The following AKAP19 variants were observed in gnomAD, a reference collection of about 807,000 sequenced individuals.
AKAP19 encodes the protein A-kinase anchoring protein 19.
the AKAP19 span, chr2:190,181,281 C>A: frequency 2.5e-6 from 1 of 398,748 alleles, no homozygotes; most frequent in Non-Finnish European, 3.4e-6. Context: ...CTCACATCTC[C>A]GTCCCCTAAT....
chr2:190,045,490 A>C, the AKAP19 span, among the ~76,000 whole-genome samples: 8 of 152,068 alleles, frequency 5.3e-5, no homozygotes, highest in Non-Finnish European at 8.8e-5. Flanking sequence ...CACCCACTGA[A>C]AGCAGCAGTT....
At chr2:190,125,010 G>A in the AKAP19 span, among the ~76,000 whole-genome samples, 1 of 152,024 alleles carries the variant, frequency 6.6e-6, no homozygotes, top group Admixed American at 6.5e-5. Flanking sequence ...GTTTTTGAGG[G>A]GCAGTAACAC....
At chr2:190,159,866 T>C in the AKAP19 span, among the ~76,000 whole-genome samples, 1 of 152,236 alleles carries the variant, frequency 6.6e-6, no homozygotes, top group Non-Finnish European at 1.5e-5. Flanking sequence ...TTCTTTTAAC[T>C]TTTGAAACTG....
At chr2:190,144,829 T>G in the AKAP19 span, among the ~76,000 whole-genome samples, 10 of 151,858 alleles carry the variant, frequency 6.6e-5, no homozygotes, top group African/African-American at 2.4e-4. Flanking sequence ...ATACAAAAAT[T>G]AGCCAGGCAC....
chr2:189,988,875 G>A, the AKAP19 span, among the ~76,000 whole-genome samples: 8 of 152,220 alleles, frequency 5.3e-5, no homozygotes, highest in Non-Finnish European at 7.4e-5. Flanking sequence ...TGCCTCATTG[G>A]CTTTTAAGAA....
the AKAP19 span, among the ~76,000 whole-genome samples, chr2:189,972,078 T>C: frequency 6.6e-6 from 1 of 152,196 alleles, no homozygotes; most frequent in African/African-American, 2.4e-5. Context: ...CTGAATAGTA[T>C]TGCCTAGGTT....
At chr2:189,918,588 T>C in the AKAP19 span, among the ~76,000 whole-genome samples, 1 of 152,332 alleles carries the variant, frequency 6.6e-6, no homozygotes, top group South Asian at 2.1e-4. Context: ...ACAGCTGTTA[T>C]AGGAAATACA....
the AKAP19 span, among the ~76,000 whole-genome samples, chr2:190,011,426 T>G: frequency 6.6e-6 from 1 of 152,180 alleles, no homozygotes. Flanking sequence ...TGCAGAAGCT[T>G]TTTACATGAT....
chr2:190,158,308 C>T, the AKAP19 span, among the ~76,000 whole-genome samples: 1 of 152,152 alleles, frequency 6.6e-6, no homozygotes, highest in African/African-American at 2.4e-5. Flanking sequence ...TTGTCTGCGG[C>T]TTGTCCTGCT....
chr2:190,068,617 G>A, the AKAP19 span, among the ~76,000 whole-genome samples: 2 of 152,134 alleles, frequency 1.3e-5, no homozygotes, highest in African/African-American at 4.8e-5. Context: ...TTACAGACGT[G>A]AGCCACTGCA....
the AKAP19 span, among the ~76,000 whole-genome samples, chr2:190,169,906 C>A: frequency 1.3e-5 from 2 of 152,120 alleles, no homozygotes; most frequent in African/African-American, 2.4e-5. Context: ...ATTAAGCCTG[C>A]CAAGACACTT....
At chr2:189,998,380 C>T in the AKAP19 span, among the ~76,000 whole-genome samples, 1 of 152,130 alleles carries the variant, frequency 6.6e-6, no homozygotes, top group Non-Finnish European at 1.5e-5. Context: ...GTGCAGCCAT[C>T]TGGGCCTGGG....
the AKAP19 span, among the ~76,000 whole-genome samples, chr2:190,037,051 T>G: frequency 6.6e-6 from 1 of 152,194 alleles, no homozygotes; most frequent in Non-Finnish European, 1.5e-5. Context: ...GAAGGCCAAA[T>G]AGCTACGTGA....
At chr2:189,914,980 G>A in the AKAP19 span, among the ~76,000 whole-genome samples, 1 of 152,106 alleles carries the variant, frequency 6.6e-6, no homozygotes, top group Non-Finnish European at 1.5e-5. Context: ...ATACTGAGGG[G>A]AAATTACGTG....
the AKAP19 span, among the ~76,000 whole-genome samples, chr2:189,940,506 A>G: frequency 6.6e-6 from 1 of 152,184 alleles, no homozygotes; most frequent in Non-Finnish European, 1.5e-5. Flanking sequence ...TACAAGATAT[A>G]GAAAATTACT....
At chr2:189,982,882 A>G in the AKAP19 span, among the ~76,000 whole-genome samples, 1 of 152,110 alleles carries the variant, frequency 6.6e-6, no homozygotes, top group Admixed American at 6.6e-5. Flanking sequence ...CTGTTGCCTA[A>G]AAGGCTGACA....
chr2:190,150,318 A>G, the AKAP19 span: 2,164 of 150,786 alleles, frequency 0.014, 28 homozygotes, highest in Middle Eastern at 0.031. Context: ...TCCTCTGGTC[A>G]CCCTCCTGAT....
the AKAP19 span, chr2:190,079,358 T>C: frequency 6.6e-6 from 1 of 152,214 alleles, no homozygotes; most frequent in African/African-American, 2.4e-5. Context: ...GTTAAAAAAG[T>C]GTGGTCTAGT....
At chr2:190,136,612 T>C in the AKAP19 span, among the ~76,000 whole-genome samples, 1 of 152,168 alleles carries the variant, frequency 6.6e-6, no homozygotes, top group African/African-American at 2.4e-5. Flanking sequence ...AGAGAACAGC[T>C]GCCTTCAGCT....
Sources: allele counts gnomAD v4.1 joint callset (sites outside exome capture counted in the v4.1 genomes callset), GRCh38; gene constraint gnomAD v4.1.1; transcripts MANE v1.5; gene names NCBI Gene and HGNC (gene_info 2026-07-23, HGNC 2026-07-21).